The following PCDHGB3 variants were observed in gnomAD, a reference collection of about 807,000 sequenced individuals.
The protein encoded by PCDHGB3 is protocadherin gamma subfamily B, 3.
Under a neutral mutation model 59.2 loss-of-function variants are expected in PCDHGB3, and 40 were observed. That is an observed-to-expected ratio of 0.68 (90% CI 0.52 to 0.88). The LOEUF (loss-of-function observed/expected upper bound fraction) is 0.88, where lower values mean the gene tolerates loss of function less well. Among genes scored for constraint, PCDHGB3 ranks in the 40% least tolerant of loss-of-function variants. The probability of loss-of-function intolerance (pLI) is 0.00; values close to 1 mark genes in which losing one functional copy is unlikely to be tolerated. For synonymous variants in PCDHGB3, 581 were observed against 503.6 expected (o/e 1.15, Z -2.06); for missense variants, 1,309 against 1,187.9 (o/e 1.10, Z -1.50).
intron 1 of PCDHGB3, chr5:141,389,880 T>C: frequency 6.2e-7 from 1 of 1,614,080 alleles, no homozygotes; most frequent in Non-Finnish European, 8.5e-7. Flanking sequence ...CGCCGACAGC[T>C]TGCAGGAGGT....
chr5:141,398,861 A>G, intron 1 of PCDHGB3: 1 of 1,613,990 alleles, frequency 6.2e-7, no homozygotes, highest in South Asian at 1.1e-5. Flanking sequence ...TTCAACCGAG[A>G]CGTGTACAGA....
chr5:141,439,568 A>G (rs2098121048), intron 1 of PCDHGB3, among the ~76,000 whole-genome samples: 1 of 152,208 alleles, frequency 6.6e-6, no homozygotes, highest in Non-Finnish European at 1.5e-5. Context: ...GTTCTAGAGT[A>G]GGGACTCAGA....
At chr5:141,472,411 C>T (rs747412647) in intron 1 of PCDHGB3, among the ~76,000 whole-genome samples, 9 of 151,918 alleles carry the variant, frequency 5.9e-5, no homozygotes, top group Admixed American at 3.3e-4. Flanking sequence ...CGTGGTGGCA[C>T]GCACCTGTAT....
At chr5:141,421,218 A>G (rs969154252) in intron 1 of PCDHGB3, 1 of 1,570,664 alleles carries the variant, frequency 6.4e-7, no homozygotes, top group Admixed American at 1.9e-5. Flanking sequence ...ATATCGGCTT[A>G]GAGCCTGCCA....
intron 3 of PCDHGB3, among the ~76,000 whole-genome samples, chr5:141,505,989 T>C (rs1275642739): frequency 6.6e-6 from 1 of 152,136 alleles, no homozygotes; most frequent in Non-Finnish European, 1.5e-5. Context: ...ACACCTCCTC[T>C]TTATGCGAGG....
intron 1 of PCDHGB3, among the ~76,000 whole-genome samples, chr5:141,426,040 G>C (rs1032424646): frequency 2.0e-5 from 3 of 152,212 alleles, no homozygotes; most frequent in African/African-American, 7.2e-5. Flanking sequence ...GAGCCCTGCT[G>C]TTGGCCAATG....
At chr5:141,389,871 G>A (rs199638280) in intron 1 of PCDHGB3, 73 of 1,613,938 alleles carry the variant, frequency 4.5e-5, no homozygotes, top group Non-Finnish European at 5.8e-5. Flanking sequence ...CCTGGTCTTC[G>A]CCGACAGCTT....
chr5:141,412,154 A>G (rs528810323), intron 1 of PCDHGB3: 1 of 152,344 alleles, frequency 6.6e-6, no homozygotes, highest in Admixed American at 6.5e-5. Flanking sequence ...ACTGCCTAAG[A>G]GAAGAGATTA....
intron 1 of PCDHGB3, chr5:141,384,572 A>G: frequency 6.2e-7 from 1 of 1,613,908 alleles, no homozygotes; most frequent in Non-Finnish European, 8.5e-7. Context: ...CAGAATGACA[A>G]CCCGCCCGAG....
chr5:141,455,055 G>T (rs1019622889), intron 1 of PCDHGB3, among the ~76,000 whole-genome samples: 1 of 151,602 alleles, frequency 6.6e-6, no homozygotes, highest in African/African-American at 2.4e-5. Flanking sequence ...CTCGTGATCC[G>T]CCCGCCTCGG....
At chr5:141,478,766 T>C in intron 1 of PCDHGB3, 2 of 1,505,456 alleles carry the variant, frequency 1.3e-6, no homozygotes, top group Non-Finnish European at 1.8e-6. Flanking sequence ...GATACTTGAC[T>C]CATCTGTGGA....
chr5:141,421,741 C>A lies in PCDHGB3; in HGVS notation c.2415+48932C>A. 3 of 1,613,902 alleles carry A rather than the reference C, an allele frequency of 1.9e-6. No individual in the cohort carries two copies. The South Asian group carries it at 3.3e-5, about 18-fold the overall frequency. ...GGGCGTGAACTCCCTCCAGAGCTAC[C>A]AGCTCAGCCCTAATAATTACTTTTC... On this transcript the variant is annotated intron_variant, in intron 1 of 3. Transcript: ENST00000576222.
chr5:141,435,454 T>C (rs1407615505), intron 1 of PCDHGB3, among the ~76,000 whole-genome samples: 1 of 152,220 alleles, frequency 6.6e-6, no homozygotes, highest in Non-Finnish European at 1.5e-5. Flanking sequence ...ACGATATCTG[T>C]ATGTGTTTCC....
chr5:141,371,913 G>A lies in PCDHGB3; in HGVS notation c.1519G>A (p.Val507Met), dbSNP rs569737317. ...GCGGGAGCTGTCGTCCTACGTGTCC[G>A]TGAGCGCGCGGAGCGGGGTGGTGTT... is the stretch of plus-strand genomic sequence containing the variant. ...EPRELSSYVSVSARSGVVFAQ... is the reference protein window; with the variant it reads ...EPRELSSYVSMSARSGVVFAQ... The change falls in exon 1 of 4, where the codon GTG (valine) becomes ATG (methionine). Residue 507 changes from valine to methionine, a missense_variant. Transcript: ENST00000576222. 28 of 1,613,394 alleles carry A rather than the reference G, an allele frequency of 1.7e-5. No homozygotes were observed. The highest frequency in any genetic ancestry group is 1.6e-4 in the African/African-American group (12 of 75,086).
At chr5:141,451,288 C>G (rs1308574266) in intron 1 of PCDHGB3, among the ~76,000 whole-genome samples, 3 of 152,200 alleles carry the variant, frequency 2.0e-5, no homozygotes, top group Non-Finnish European at 4.4e-5. Context: ...GCCTCTGCCT[C>G]AAAGTCTTAC....
Position 141,486,494 on chromosome 5 carries a change from A to G in PCDHGB3, c.2416-8313A>G, listed in dbSNP as rs375607204. 9.3e-6 allele frequency: 15 copies of G among 1,614,058 alleles called. No individual in the cohort carries two copies. The highest frequency in any genetic ancestry group is 1.3e-5 in the Non-Finnish European group (15 of 1,179,958). ...CCCTCCTCTCAGTACCCACAGAACT[A>G]TTTTCCTCAATATTTCAGATGTGAA... On this transcript the variant is annotated intron_variant, in intron 1 of 3. Transcript: ENST00000576222. The surrounding 1 kb of genome is among the most constrained non-coding windows in gnomAD (Gnocchi z 5.0).
Position 141,476,641 on chromosome 5 carries a change from C to A in PCDHGB3, c.2416-18166C>A, listed in dbSNP as rs1183948220. The A allele has an allele frequency of 1.2e-6, 2 of 1,614,256 alleles. No homozygotes were observed. The highest frequency in any genetic ancestry group is 1.7e-5 in the Admixed American group (1 of 60,030). On this transcript the variant is annotated intron_variant, in intron 1 of 3. Transcript: ENST00000576222. This position sits in a 1 kb window ranked among gnomAD's most constrained non-coding sequence, Gnocchi z 7.6. ...ACTCTTTACAAACCTATGAGCTGAG[C>A]CGAAATGAATACTTTGCGCTTCGCG... is the stretch of plus-strand genomic sequence containing the variant.
At position 141,371,319 on chromosome 5, in the gene PCDHGB3, T is replaced by C. The variant is rs776468783; in HGVS notation, c.925T>C (p.Phe309Leu). The C allele has an allele frequency of 1.7e-5, 27 of 1,613,954 alleles. No homozygotes were observed. The highest frequency in any genetic ancestry group is 2.3e-5 in the Non-Finnish European group (27 of 1,179,868). ...GELTTIGELD[F>L]EERDSYTIGV... ...ACTCACCACTATTGGAGAACTGGAC[T>C]TTGAAGAGAGAGATAGCTACACAAT... The change falls in exon 1 of 4, where the codon TTT becomes CTT. Residue 309 changes from phenylalanine (F) to leucine (L), a missense_variant. By Grantham distance (22) the Phe-to-Leu change is conservative (BLOSUM62 0). Transcript: ENST00000576222.
At chr5:141,394,203 A>G (rs1380354099) in intron 1 of PCDHGB3, 1 of 1,613,814 alleles carries the variant, frequency 6.2e-7, no homozygotes, top group Non-Finnish European at 8.5e-7. Context: ...TATCCTAGAG[A>G]ACAACCTGAG....
Sources: gnomAD v4.1 joint callset for allele counts (sites outside exome capture counted in the v4.1 genomes callset) on GRCh38, gnomAD v4.1.1 for gene constraint, Gnocchi (gnomAD v3.1) non-coding constraint, MANE v1.5 for transcripts, NCBI Gene and HGNC (gene_info 2026-07-23, HGNC 2026-07-21) for gene names.